Variants in SAXO1 observed in about 807,000 individuals in gnomAD.
SAXO1 encodes 4930500O09Rik.
Under a neutral mutation model 17.5 loss-of-function variants are expected in SAXO1, and 21 were observed. The ratio of observed to expected loss-of-function variants is 1.20; its 90% CI spans 0.85 to 1.72. The LOEUF (loss-of-function observed/expected upper bound fraction) is 1.72, where lower values mean the gene tolerates loss of function less well. Ranked by LOEUF, SAXO1 falls within the 40% of genes most tolerant of loss-of-function variation. SAXO1 has a pLI of 0.00. For missense variants in SAXO1, 843 were observed against 596.0 expected (o/e 1.41, Z -4.32); for synonymous variants, 274 against 216.5 (o/e 1.27, Z -2.33).
At chr9:18,955,881 G>A (rs1290208685) in intron 1 of SAXO1, among the ~76,000 whole-genome samples, 2 of 151,904 alleles carry the variant, frequency 1.3e-5, no homozygotes, top group African/African-American at 4.8e-5. Flanking sequence ...GTGTGCATGA[G>A]ATTATGTCCC....
At chr9:18,979,310 T>C (rs1046302351) in intron 1 of SAXO1, among the ~76,000 whole-genome samples, 1 of 152,188 alleles carries the variant, frequency 6.6e-6, no homozygotes, top group Non-Finnish European at 1.5e-5. Context: ...TAAATGGACC[T>C]GAGAAGAAGG....
chr9:18,979,643 A>G (rs969390568), intron 1 of SAXO1, among the ~76,000 whole-genome samples: 11 of 152,206 alleles, frequency 7.2e-5, no homozygotes, highest in Non-Finnish European at 1.2e-4. Flanking sequence ...TTTTCCAAGG[A>G]GATTATTCCA....
At chr9:18,958,180 T>C (rs1044301475) in intron 1 of SAXO1, among the ~76,000 whole-genome samples, 4 of 152,054 alleles carry the variant, frequency 2.6e-5, no homozygotes, top group African/African-American at 7.2e-5. Flanking sequence ...CCCCAGCACA[T>C]TGGGAGGCTG....
intron 1 of SAXO1, among the ~76,000 whole-genome samples, chr9:18,960,224 C>T (rs781588244): frequency 4.6e-5 from 7 of 152,060 alleles, no homozygotes; most frequent in Admixed American, 2.0e-4. Flanking sequence ...ATCCCTGGGA[C>T]GCGTGGGGTA....
intron 1 of SAXO1, among the ~76,000 whole-genome samples, chr9:19,025,476 G>T (rs757096277): frequency 6.6e-5 from 10 of 152,024 alleles, no homozygotes; most frequent in Non-Finnish European, 1.0e-4. Context: ...AAAATAACAA[G>T]TTCCTCCCTG....
chr9:18,972,599 AAC>A (rs2131798386), intron 1 of SAXO1, among the ~76,000 whole-genome samples: 1 of 152,316 alleles, frequency 6.6e-6, no homozygotes, highest in East Asian at 1.9e-4. Context: ...ATGCTACATG[AAC>A]AGTCTAGGGC....
chr9:19,036,668 C>T (rs1314397808), upstream of SAXO1, among the ~76,000 whole-genome samples: 2 of 152,168 alleles, frequency 1.3e-5, no homozygotes, highest in Admixed American at 1.3e-4. Context: ...GTTTGGGAAT[C>T]TCCGCCTAGA....
chr9:19,035,020 T>C (rs577513379), upstream of SAXO1, among the ~76,000 whole-genome samples: 194 of 152,316 alleles, frequency 1.3e-3, 1 homozygote, highest in South Asian at 2.7e-3. Flanking sequence ...AAGATGAAGA[T>C]GGTGTGGACA....
At chr9:18,958,054 T>A (rs748801014) in intron 1 of SAXO1, among the ~76,000 whole-genome samples, 3 of 152,092 alleles carry the variant, frequency 2.0e-5, no homozygotes, top group Non-Finnish European at 2.9e-5. Flanking sequence ...CTTTAAAGAA[T>A]CAGAACAGTG....
intron 1 of SAXO1, among the ~76,000 whole-genome samples, chr9:18,959,369 A>G (rs886724445): frequency 3.3e-5 from 5 of 152,214 alleles, no homozygotes; most frequent in African/African-American, 1.2e-4. Flanking sequence ...AAGAGGGCAG[A>G]TGGATGACAT....
intron 1 of SAXO1, among the ~76,000 whole-genome samples, chr9:18,969,212 C>CT: frequency 1.3e-5 from 2 of 152,312 alleles, no homozygotes; most frequent in Middle Eastern, 3.4e-3. Context: ...TTGATTTAAG[C>CT]TGATGATAAA....
intron 1 of SAXO1, among the ~76,000 whole-genome samples, chr9:19,000,217 T>G (rs1198779489): frequency 2.2e-5 from 3 of 135,226 alleles, no homozygotes; most frequent in African/African-American, 8.5e-5. Context: ...GTCGCCCAAA[T>G]GACTGGGAAG....
At chr9:18,962,257 G>A (rs570723313) in intron 1 of SAXO1, among the ~76,000 whole-genome samples, 4 of 152,034 alleles carry the variant, frequency 2.6e-5, no homozygotes, top group South Asian at 2.1e-4. Flanking sequence ...TAGTAGAGTC[G>A]GGGTTTCTCC....
At chr9:18,970,105 A>G (rs1832891534) in intron 1 of SAXO1, among the ~76,000 whole-genome samples, 1 of 152,238 alleles carries the variant, frequency 6.6e-6, no homozygotes, top group Non-Finnish European at 1.5e-5. Flanking sequence ...CCCAGTGAGC[A>G]TGGCTGATAC....
At chr9:18,945,519 C>G (rs1831755584) in intron 2 of SAXO1, among the ~76,000 whole-genome samples, 1 of 152,230 alleles carries the variant, frequency 6.6e-6, no homozygotes, top group Admixed American at 6.5e-5. Context: ...CCATCCTAGG[C>G]AGCTTGGGGA....
intron 3 of SAXO1, among the ~76,000 whole-genome samples, chr9:18,935,907 A>C (rs897256561): frequency 1.3e-5 from 2 of 152,212 alleles, no homozygotes; most frequent in African/African-American, 2.4e-5. Context: ...CAGAGCCACT[A>C]CATAAATGAA....
intron 1 of SAXO1, among the ~76,000 whole-genome samples, chr9:19,016,621 A>C (rs1377900940): frequency 6.6e-6 from 1 of 152,100 alleles, no homozygotes; most frequent in Non-Finnish European, 1.5e-5. Flanking sequence ...GGTCAAGGAT[A>C]CTGCTAAACA....
chr9:19,028,102 A>G, intron 1 of SAXO1: 12 of 1,611,858 alleles, frequency 7.4e-6, no homozygotes, highest in Non-Finnish European at 9.3e-6. Flanking sequence ...GGTCCAGGCC[A>G]AGAAGAAAGC....
intron 1 of SAXO1, among the ~76,000 whole-genome samples, chr9:18,964,493 A>C (rs182415932): frequency 6.8e-4 from 104 of 152,338 alleles, no homozygotes; most frequent in East Asian, 2.5e-3. Context: ...TTCCTGGTTT[A>C]GTCTTAGGAG....
Sources: gnomAD v4.1 joint callset for allele counts (sites outside exome capture counted in the v4.1 genomes callset) on GRCh38, gnomAD v4.1.1 for gene constraint, MANE v1.5 for transcripts, NCBI Gene and HGNC (gene_info 2026-07-23, HGNC 2026-07-21) for gene names.